ARHGEF11: variants seen among roughly 807,000 people sequenced by gnomAD.
ARHGEF11 encodes the protein Rho guanine exchange factor (GEF) 11.
Under a neutral mutation model 193.7 loss-of-function variants are expected in ARHGEF11, and 55 were observed. The ratio of observed to expected loss-of-function variants is 0.28; its 90% CI spans 0.23 to 0.36. The LOEUF (loss-of-function observed/expected upper bound fraction) is 0.36, where lower values mean the gene tolerates loss of function less well. Among genes scored for constraint, ARHGEF11 ranks in the 10% least tolerant of loss-of-function variants. ARHGEF11 has a pLI of 1.00. For missense variants in ARHGEF11, 1,723 were observed against 2,005.6 expected, an observed-to-expected ratio of 0.86 and a Z score of 2.69; for synonymous variants, 693 against 768.0, an observed-to-expected ratio of 0.90 and a Z score of 1.62.
intron 1 of ARHGEF11, among the ~76,000 whole-genome samples, chr1:157,033,721 T>C (rs368948619): frequency 1.3e-5 from 2 of 152,198 alleles, no homozygotes; most frequent in East Asian, 3.9e-4. Context: ...TCACAGCCAC[T>C]TGCAATTCTC....
In ARHGEF11 at chr1:156,960,623, A is replaced by G. The variant is rs549231907; in HGVS notation, c.1240-163T>C. Among the ~76,000 whole-genome samples the G allele has an allele frequency of 2.0e-5, 3 of 152,276 alleles. No homozygotes were observed. The East Asian group carries it at 5.8e-4, about 29-fold the overall frequency. ...CTCTCCAACTGCACACCTGAATTCT[A>G]GGCTAGGGTTTTTGGGAAATGGAGT... On this transcript the variant is annotated intron_variant, in intron 14 of 40. Coordinates refer to ENST00000368194, the MANE Select transcript of ARHGEF11 (RefSeq NM_198236.3).
rs1458094161 is a variant in ARHGEF11, at chr1:156,967,918, G to T, written c.963+69C>A. Reference sequence around the variant, plus strand: ...TCTGATGATCCAAGACGATGTACTGGTAACACCCATGCCTCCAAATCTCAC... The same window carrying T: ...TCTGATGATCCAAGACGATGTACTGTTAACACCCATGCCTCCAAATCTCAC... On this transcript the variant is annotated intron_variant, in intron 11 of 40. Transcript: ENST00000368194. 2.5e-6 allele frequency: 4 copies of T among 1,608,052 alleles called. No individual in the cohort carries two copies. In the East Asian group the frequency reaches 8.9e-5, roughly 36 times the overall value.
intron 1 of ARHGEF11, among the ~76,000 whole-genome samples, chr1:156,992,345 C>T (rs529874360): frequency 2.0e-5 from 3 of 152,226 alleles, no homozygotes; most frequent in Non-Finnish European, 4.4e-5. Context: ...ACATTCTCCC[C>T]TCCTCCAAGG....
upstream of ARHGEF11, among the ~76,000 whole-genome samples, chr1:157,045,880 G>A (rs1673271774): frequency 6.6e-6 from 1 of 150,860 alleles, no homozygotes; most frequent in African/African-American, 2.4e-5. Context: ...TCGCTCCCGC[G>A]GGGCGGGGCC....
intron 1 of ARHGEF11, among the ~76,000 whole-genome samples, chr1:157,037,543 G>C (rs1173150445): frequency 6.6e-6 from 1 of 152,128 alleles, no homozygotes; most frequent in Non-Finnish European, 1.5e-5. Flanking sequence ...TGCTCGTGTT[G>C]CTCCTCTAGT....
At position 157,044,737 on chromosome 1, in the gene ARHGEF11, C is replaced by T. The variant is rs1190721774; in HGVS notation, c.-407G>A. On this transcript the variant is annotated 5_prime_UTR_variant, in exon 1 of 41. Transcript: ENST00000368194. ...AACTGCAAAGTACAGATAAAACCATCCTTTAAATCCAGCTTTCTCAGCTGT... is the reference window on the plus strand; with the variant it reads ...AACTGCAAAGTACAGATAAAACCATTCTTTAAATCCAGCTTTCTCAGCTGT... 2 of 394,330 alleles carry T rather than the reference C, an allele frequency of 5.1e-6. No homozygotes were observed. Among genetic ancestry groups the T allele is most frequent in the Non-Finnish European group, 8.9e-6 (2 of 224,096 alleles). 24.4% of individuals were successfully genotyped at this position (394,330 alleles called of 1,614,324 possible). A position where few individuals can be genotyped will look rare whatever the true frequency, so the allele number is the denominator to read the frequency against.
rs368833707 is a variant in ARHGEF11, at chr1:156,963,211, T to G, written c.1132A>C (p.Ser378Arg). 66 of 1,613,320 alleles carry G rather than the reference T, an allele frequency of 4.1e-5. No homozygotes were observed. In the Admixed American group the frequency reaches 1.1e-3, roughly 26 times the overall value. Residue 378 changes from serine (S) to arginine (R), a missense_variant, in exon 13 of 41, where the codon AGT becomes CGT. Coordinates refer to ENST00000368194, the MANE Select transcript of ARHGEF11 (RefSeq NM_198236.3). ...AGATGATTCTGACTTACCAGTGGAC[T>G]GGGGTCCGCCTGAGAGAAGATGTAA... ...LRYIFSQADPSPLLFYLCAEV... is the reference protein window; with the variant it reads ...LRYIFSQADPRPLLFYLCAEV...
At chr1:156,944,190 C>A in intron 31 of ARHGEF11, 88 bp from the exon 32 acceptor site, 1 of 1,518,284 alleles carries the variant, frequency 6.6e-7, no homozygotes, top group East Asian at 2.3e-5. Context: ...CTTGGAGGCT[C>A]TAGGAAGTCC....
intron 1 of ARHGEF11, among the ~76,000 whole-genome samples, chr1:157,029,182 A>AG (rs1294398398): frequency 6.6e-6 from 1 of 151,982 alleles, no homozygotes; most frequent in East Asian, 1.9e-4. Flanking sequence ...AAAAAAAAAA[A>AG]AAAAAGAAAG....
At chr1:157,023,271 A>G (rs773078107) in intron 1 of ARHGEF11, among the ~76,000 whole-genome samples, 74 of 152,256 alleles carry the variant, frequency 4.9e-4, no homozygotes, top group Non-Finnish European at 2.1e-4. Flanking sequence ...GAATCTATAA[A>G]GAACTCTTAA....
intron 14 of ARHGEF11, among the ~76,000 whole-genome samples, chr1:156,961,215 A>T (rs1052690534): frequency 2.6e-5 from 4 of 152,210 alleles, no homozygotes; most frequent in African/African-American, 9.6e-5. Flanking sequence ...CGTGCTGTCT[A>T]TCCCAGACAC....
At chr1:156,962,426 C>T (rs1281210107) in intron 13 of ARHGEF11, among the ~76,000 whole-genome samples, 1 of 152,170 alleles carries the variant, frequency 6.6e-6, no homozygotes, top group Non-Finnish European at 1.5e-5. Flanking sequence ...AGGTTGCTGG[C>T]TCTGAGCACT....
chr1:156,990,352 C>G (rs1243776195), intron 1 of ARHGEF11, among the ~76,000 whole-genome samples: 1 of 152,156 alleles, frequency 6.6e-6, no homozygotes, highest in Non-Finnish European at 1.5e-5. Flanking sequence ...GGTTTGATTA[C>G]TCAGGTAAAG....
chr1:156,990,031 A>G (rs928019646), intron 1 of ARHGEF11, among the ~76,000 whole-genome samples: 12 of 152,214 alleles, frequency 7.9e-5, no homozygotes, highest in Non-Finnish European at 1.0e-4. Flanking sequence ...TACACATTCA[A>G]ATTTCCCCAA....
Position 156,971,784 on chromosome 1 carries a change from G to A in ARHGEF11, c.615C>T (p.Ala205=). 1.2e-6 allele frequency: 2 copies of A among 1,613,826 alleles called. No homozygotes were observed. The highest frequency in any genetic ancestry group is 1.7e-6 in the Non-Finnish European group (2 of 1,179,994). Residue 205 remains alanine, a synonymous_variant, in exon 8 of 41, where the codon GCC becomes GCT. Coordinates refer to ENST00000368194, the MANE Select transcript of ARHGEF11 (RefSeq NM_198236.3). Reference sequence around the variant, plus strand: ...CTTCGATCTGCTCTTCCAGTAGGCTGGCGGGGTTCCGGCTATAGACCTCAC... The same window carrying A: ...CTTCGATCTGCTCTTCCAGTAGGCTAGCGGGGTTCCGGCTATAGACCTCAC... The part of the protein sequence containing the change: ...RICEVYSRNP[A]SLLEEQIEGA...
At chr1:157,004,163 C>T (rs1667540644) in intron 1 of ARHGEF11, among the ~76,000 whole-genome samples, 1 of 152,226 alleles carries the variant, frequency 6.6e-6, no homozygotes, top group Non-Finnish European at 1.5e-5. Context: ...CAACTCTTTA[C>T]CAGGTCCTGC....
At chr1:157,034,222 C>T (rs1252722096) in intron 1 of ARHGEF11, among the ~76,000 whole-genome samples, 1 of 152,204 alleles carries the variant, frequency 6.6e-6, no homozygotes, top group African/African-American at 2.4e-5. Flanking sequence ...CTCTCTCCAG[C>T]CACCTCCCCC....
At chr1:156,994,867 C>T (rs975442909) in intron 1 of ARHGEF11, among the ~76,000 whole-genome samples, 2 of 151,802 alleles carry the variant, frequency 1.3e-5, no homozygotes, top group South Asian at 4.2e-4. Context: ...AGGGTAATTG[C>T]GAGGACCAAA....
Position 156,937,378 on chromosome 1 carries a change from C to CT in ARHGEF11, c.4310dup (p.Pro1438AlafsTer9). The CT allele has an allele frequency of 6.2e-7, 1 of 1,608,648 alleles. No homozygotes were observed. The highest frequency in any genetic ancestry group is 8.5e-7 in the Non-Finnish European group (1 of 1,177,396). On this transcript the variant is annotated frameshift_variant, in exon 39 of 41. Coordinates refer to ENST00000368194, the MANE Select transcript of ARHGEF11 (RefSeq NM_198236.3). LOFTEE classifies it high-confidence loss of function. ...CATCGTTGCCTCCCTGCAGCTGAGG[C>CT]TGAGGCTCTGTCTGCCCTGCAGGGA...
Sources: allele counts gnomAD v4.1 joint callset (sites outside exome capture counted in the v4.1 genomes callset), GRCh38; gene constraint gnomAD v4.1.1; transcripts MANE v1.5; gene names NCBI Gene and HGNC (gene_info 2026-07-23, HGNC 2026-07-21).